Variants in CUX1 observed in about 807,000 individuals in gnomAD.
The protein encoded by CUX1 is protein CASP.
CUX1 carries 31 observed loss-of-function variants against 158.8 expected under a neutral mutation model. The ratio of observed to expected loss-of-function variants is 0.20; its 90% CI spans 0.15 to 0.26. The LOEUF (loss-of-function observed/expected upper bound fraction) is 0.26, where lower values mean the gene tolerates loss of function less well. Among genes scored for constraint, CUX1 ranks in the 10% least tolerant of loss-of-function variants. The pLI, the probability that CUX1 is intolerant of heterozygous loss-of-function variation, is 1.00. For missense variants in CUX1, 1,589 were observed against 2,014.6 expected (o/e 0.79, Z 4.04); for synonymous variants, 879 against 862.1 (o/e 1.02, Z -0.34).
At chr7:102,223,004 A>G (rs913633802) in intron 20 of CUX1, among the ~76,000 whole-genome samples, 2 of 150,782 alleles carry the variant, frequency 1.3e-5, no homozygotes, top group Non-Finnish European at 3.0e-5. Context: ...GGGTTTCACC[A>G]TGTTGGCCAG....
intron 2 of CUX1, chr7:101,960,811 G>C (rs778932318): frequency 6.6e-6 from 1 of 152,222 alleles, no homozygotes; most frequent in African/African-American, 2.4e-5. Context: ...ACAGAGCTGA[G>C]TGTGTGGAGT....
chr7:101,843,318 CTT>C (rs1309775363), intron 1 of CUX1, among the ~76,000 whole-genome samples: 1 of 152,102 alleles, frequency 6.6e-6, no homozygotes, highest in African/African-American at 2.4e-5. Context: ...GGTTGAGAAT[CTT>C]TGATAAGTGA....
intron 8 of CUX1, among the ~76,000 whole-genome samples, chr7:102,147,105 G>T (rs546350483): frequency 6.6e-6 from 1 of 152,038 alleles, no homozygotes; most frequent in South Asian, 2.1e-4. Flanking sequence ...AGACTGGACC[G>T]ACTCTCTTTC....
intron 1 of CUX1, among the ~76,000 whole-genome samples, chr7:101,870,689 C>T (rs938217657): frequency 2.6e-5 from 4 of 152,126 alleles, no homozygotes; most frequent in Non-Finnish European, 1.5e-5. Context: ...ACAATTAGCT[C>T]GATGTGGATT....
chr7:101,963,842 G>A (rs1810810253), intron 2 of CUX1, among the ~76,000 whole-genome samples: 1 of 151,722 alleles, frequency 6.6e-6, no homozygotes, highest in Admixed American at 6.6e-5. Flanking sequence ...TATAGAGATG[G>A]GATCTCACTA....
At chr7:101,902,987 T>G (rs117638171) in intron 1 of CUX1, among the ~76,000 whole-genome samples, 1,561 of 152,258 alleles carry the variant, frequency 0.01, 10 homozygotes, top group Non-Finnish European at 0.018. Context: ...GTATGCTAAG[T>G]ATAAAAAGAA....
intron 2 of CUX1, among the ~76,000 whole-genome samples, chr7:101,990,528 C>T (rs1411606776): frequency 6.6e-6 from 1 of 152,144 alleles, no homozygotes; most frequent in Non-Finnish European, 1.5e-5. Context: ...AAGTGCCCAC[C>T]ACCATGTCTG....
At chr7:101,821,140 T>C (rs890281465) in intron 1 of CUX1, among the ~76,000 whole-genome samples, 4 of 152,070 alleles carry the variant, frequency 2.6e-5, no homozygotes, top group Admixed American at 6.6e-5. Context: ...AGCAAAGAAT[T>C]TGTGAATTCA....
intron 2 of CUX1, 30 bp from the exon 3 acceptor site, chr7:102,028,068 C>T (rs773165435): frequency 1.2e-6 from 2 of 1,611,554 alleles, no homozygotes; most frequent in South Asian, 2.2e-5. Context: ...TCTCAAATGG[C>T]TGCTTCCTGA....
At chr7:102,073,984 C>A (rs1826427342) in intron 4 of CUX1, among the ~76,000 whole-genome samples, 1 of 152,210 alleles carries the variant, frequency 6.6e-6, no homozygotes, top group Admixed American at 6.5e-5. Context: ...ATGCTGTGAT[C>A]TGCCACATCT....
intron 1 of CUX1, among the ~76,000 whole-genome samples, chr7:101,881,535 T>G (rs1156406330): frequency 2.0e-5 from 3 of 152,384 alleles, no homozygotes; most frequent in African/African-American, 7.2e-5. Context: ...TTTCTTGCTC[T>G]TATCTTTGTC....
At chr7:101,898,078 G>A (rs970759477) in intron 1 of CUX1, among the ~76,000 whole-genome samples, 2 of 152,058 alleles carry the variant, frequency 1.3e-5, no homozygotes, top group African/African-American at 2.4e-5. Flanking sequence ...CGCAGGGAGC[G>A]CAGATGTACT....
chr7:101,956,110 AG>A (rs1410596145), intron 2 of CUX1, among the ~76,000 whole-genome samples: 1 of 110,044 alleles, frequency 9.1e-6, no homozygotes, highest in East Asian at 3.1e-4. Context: ...TGAACCCGGG[AG>A]GTGGAGCTTG....
chr7:102,244,460 G>T (rs190587562), intron 23 of CUX1, among the ~76,000 whole-genome samples: 1 of 152,200 alleles, frequency 6.6e-6, no homozygotes, highest in African/African-American at 2.4e-5. Flanking sequence ...CATTTGGGGA[G>T]GCCAAGGTGG....
At chr7:101,848,450 G>A (rs897036561) in intron 1 of CUX1, among the ~76,000 whole-genome samples, 11 of 152,106 alleles carry the variant, frequency 7.2e-5, no homozygotes, top group Non-Finnish European at 1.3e-4. Flanking sequence ...CTACCGCGAG[G>A]AGAAAATTTT....
intron 2 of CUX1, among the ~76,000 whole-genome samples, chr7:102,012,645 C>T (rs1056064583): frequency 4.0e-5 from 6 of 151,054 alleles, no homozygotes; most frequent in African/African-American, 1.5e-4. Flanking sequence ...AAGAGATGGC[C>T]CTGGCTGCTT....
intron 8 of CUX1, among the ~76,000 whole-genome samples, chr7:102,149,719 T>C (rs1169676548): frequency 6.6e-6 from 1 of 152,188 alleles, no homozygotes; most frequent in Non-Finnish European, 1.5e-5. Context: ...TTCAGGCGTT[T>C]GTGCTCCGAT....
intron 2 of CUX1, among the ~76,000 whole-genome samples, chr7:101,921,713 C>T (rs1048220894): frequency 5.9e-5 from 9 of 152,288 alleles, no homozygotes; most frequent in African/African-American, 9.6e-5. Context: ...CCACCCGCCT[C>T]GGCCTCCCGA....
intron 3 of CUX1, among the ~76,000 whole-genome samples, chr7:102,055,693 C>A (rs1230773677): frequency 1.3e-5 from 2 of 152,144 alleles, no homozygotes; most frequent in African/African-American, 4.8e-5. Context: ...AATTAATAAT[C>A]CTGCAATGGC....
Sources: gnomAD v4.1 joint callset for allele counts (sites outside exome capture counted in the v4.1 genomes callset) on GRCh38, gnomAD v4.1.1 for gene constraint, MANE v1.5 for transcripts, NCBI Gene and HGNC (gene_info 2026-07-23, HGNC 2026-07-21) for gene names.